NBPF20: variants seen among roughly 807,000 people sequenced by gnomAD.
The protein encoded by NBPF20 is NBPF member 20, also known as NBPF family member NBPF20.
A neutral mutation model predicts 68.1 loss-of-function variants in NBPF20; 90 were observed. That is an observed-to-expected ratio of 1.32 (90% CI 1.11 to 1.58). The LOEUF is 1.58. Among genes scored for constraint, NBPF20 ranks in the 40% most tolerant of loss-of-function variants. The pLI is 0.00. For missense variants in NBPF20, 816 were observed against 601.2 expected (o/e 1.36, Z -3.74); for synonymous variants, 290 against 228.1 (o/e 1.27, Z -2.45).
chr1:145,424,045 G>C, the NBPF20 span, among the ~76,000 whole-genome samples: 2 of 143,182 alleles, frequency 1.4e-5, no homozygotes, highest in Admixed American at 7.1e-5. Context: ...CCATGATCAC[G>C]GCTCACTGCA....
At chr1:145,404,552 C>A (rs587630238) in intron 2 of NBPF20, among the ~76,000 whole-genome samples, 1 of 152,096 alleles carries the variant, frequency 6.6e-6, no homozygotes, top group African/African-American at 2.4e-5. Flanking sequence ...CCACGTTGCA[C>A]GGCCCCTACT....
exon 138 of NBPF20, chr1:145,291,390 A>G (rs1179009234): frequency 6.3e-6 from 10 of 1,577,120 alleles, no homozygotes; most frequent in Non-Finnish European, 8.6e-6. Context: ...GCATGGTTTG[A>G]GAATAGGAAT....
At chr1:145,425,400 A>G in the NBPF20 span, among the ~76,000 whole-genome samples, 1 of 152,064 alleles carries the variant, frequency 6.6e-6, no homozygotes, top group East Asian at 1.9e-4. Context: ...CTTCCCATCC[A>G]GACGGCAGCC....
intron 61 of NBPF20, 128 bp from the exon 67 acceptor site, chr1:145,352,217 A>G (rs1661652712): frequency 1.6e-5 from 2 of 128,536 alleles, no homozygotes; most frequent in Non-Finnish European, 2.8e-5. Context: ...TAATGAGGTA[A>G]CAAATTATTG....
At chr1:145,393,959 C>A (rs1292645411) in intron 8 of NBPF20, 24 bp from the exon 14 acceptor site, 12 of 1,224,494 alleles carry the variant, frequency 9.8e-6, no homozygotes, top group Admixed American at 1.7e-5. Flanking sequence ...CAGATGGGCC[C>A]TCTTACATTA....
chr1:145,291,351 G>A (rs1307491237), exon 138 of NBPF20: 14 of 1,384,454 alleles, frequency 1.0e-5, no homozygotes, highest in Admixed American at 4.1e-5. Context: ...TGGGTCCATT[G>A]TCTTCAGACT....
intron 119 of NBPF20, among the ~76,000 whole-genome samples, chr1:145,306,349 G>A (rs1661410807): frequency 1.6e-4 from 24 of 145,972 alleles, no homozygotes; most frequent in Non-Finnish European, 2.4e-4. Flanking sequence ...GAATTGTCCA[G>A]GTGACACACT....
At chr1:145,393,627 C>G (rs1200454707) in intron 9 of NBPF20, 16 of 872,486 alleles carry the variant, frequency 1.8e-5, no homozygotes, top group East Asian at 5.3e-5. Context: ...AAAATGTGCT[C>G]AAGTTTCCCT....
At chr1:145,352,392 G>A (rs1310605782) in intron 61 of NBPF20, among the ~76,000 whole-genome samples, 9 of 44,942 alleles carry the variant, frequency 2.0e-4, no homozygotes, top group Non-Finnish European at 3.2e-4. Flanking sequence ...CACTGATGAG[G>A]GAGTAACAGG....
intron 8 of NBPF20, among the ~76,000 whole-genome samples, chr1:145,394,513 A>C (rs1254657250): frequency 1.2e-4 from 18 of 152,148 alleles, no homozygotes; most frequent in Admixed American, 3.3e-4. Flanking sequence ...GAATAAATTC[A>C]GTGAAACCTG....
chr1:145,412,362 T>G, the NBPF20 span, among the ~76,000 whole-genome samples: 1 of 152,102 alleles, frequency 6.6e-6, no homozygotes, highest in African/African-American at 2.4e-5. Flanking sequence ...CTTGGGTTGC[T>G]GCACTCACAA....
At chr1:145,396,724 T>C (rs1182226659) in intron 7 of NBPF20, among the ~76,000 whole-genome samples, 1 of 142,448 alleles carries the variant, frequency 7.0e-6, no homozygotes, top group Non-Finnish European at 1.5e-5. Context: ...TCCATATGTA[T>C]AGTTTTCCTT....
chr1:145,417,418 T>C, the NBPF20 span, among the ~76,000 whole-genome samples: 11 of 141,154 alleles, frequency 7.8e-5, no homozygotes, highest in East Asian at 2.0e-3. Flanking sequence ...GCTTCTTAGA[T>C]ACAAAACCAA....
At chr1:145,394,792 T>G (rs1662138687) in intron 8 of NBPF20, among the ~76,000 whole-genome samples, 186 bp downstream of exon 13, 2 of 152,176 alleles carry the variant, frequency 1.3e-5, no homozygotes, top group African/African-American at 4.8e-5. Flanking sequence ...AGAGCAAAGC[T>G]CACTGACCCA....
At chr1:145,400,439 A>G in exon 6 of NBPF20, 1 of 1,613,196 alleles carries the variant, frequency 6.2e-7, no homozygotes, top group Non-Finnish European at 8.5e-7. Context: ...GGATGAGCCA[A>G]TCAGAGTTGA....
At position 145,400,555 on chromosome 1, in the gene NBPF20, G is replaced by A. The variant is rs1240332795; in HGVS notation, c.606C>T (p.Asp202=). 64 of 1,612,576 alleles carry A rather than the reference G, an allele frequency of 4.0e-5. No individual in the cohort carries two copies. The East Asian group carries it at 1.4e-3, about 36-fold the overall frequency. The change falls in exon 6 of 138, where the codon GAC becomes GAT. Residue 202 remains aspartate (D), a synonymous_variant. Coordinates refer to ENST00000369373, the Ensembl canonical transcript of NBPF20. ...AAGTGATGGCACATTCCTCCTGTGA[G>A]TCCTCAGGGACTTCCTTTTCTTCAG...
chr1:145,402,727 G>A (rs1486038575), intron 3 of NBPF20, among the ~76,000 whole-genome samples: 8 of 148,756 alleles, frequency 5.4e-5, no homozygotes, highest in Middle Eastern at 3.4e-3. Context: ...TGCATCTTGC[G>A]GCCACTAGAT....
chr1:145,403,681 T>A (rs1268385913), intron 2 of NBPF20, among the ~76,000 whole-genome samples: 1 of 152,106 alleles, frequency 6.6e-6, no homozygotes, highest in Non-Finnish European at 1.5e-5. Flanking sequence ...AAGTAGTGAT[T>A]TCTTGTACAG....
the NBPF20 span, among the ~76,000 whole-genome samples, chr1:145,424,002 G>T: frequency 6.8e-6 from 1 of 146,648 alleles, no homozygotes; most frequent in Non-Finnish European, 1.5e-5. Flanking sequence ...TGGAGACAGG[G>T]TCTCACTCTG....
Sources: allele counts gnomAD v4.1 joint callset (sites outside exome capture counted in the v4.1 genomes callset), GRCh38; gene constraint gnomAD v4.1.1; transcripts MANE v1.5; gene names NCBI Gene and HGNC (gene_info 2026-07-23, HGNC 2026-07-21).